RNGTT: variants seen among roughly 807,000 people sequenced by gnomAD.
RNGTT encodes RNA guanylyltransferase and 5'-phosphatase.
A neutral mutation model predicts 79.3 loss-of-function variants in RNGTT; 33 were observed. The ratio of observed to expected loss-of-function variants is 0.42; its 90% CI spans 0.32 to 0.56. The LOEUF (loss-of-function observed/expected upper bound fraction) is 0.56, where lower values mean the gene tolerates loss of function less well. Ranked by LOEUF, RNGTT falls within the 20% of genes least tolerant of loss-of-function variation. The pLI is 0.17. For synonymous variants in RNGTT, 222 were observed against 235.9 expected, an observed-to-expected ratio of 0.94 and a Z score of 0.54; for missense variants, 497 against 739.1, an observed-to-expected ratio of 0.67 and a Z score of 3.80.
intron 11 of RNGTT, among the ~76,000 whole-genome samples, chr6:88,811,944 C>T (rs956835113): frequency 2.6e-5 from 4 of 152,124 alleles, no homozygotes; most frequent in East Asian, 1.9e-4. Context: ...GAAATTTGCA[C>T]TCCCCTGGAT....
intron 13 of RNGTT, among the ~76,000 whole-genome samples, chr6:88,741,103 T>C (rs976637012): frequency 5.9e-5 from 9 of 152,094 alleles, no homozygotes; most frequent in African/African-American, 2.2e-4. Flanking sequence ...TGGGTATATA[T>C]CTAAAGAAAA....
At chr6:88,930,975 C>T (rs1047850572) in intron 2 of RNGTT, among the ~76,000 whole-genome samples, 8 of 152,052 alleles carry the variant, frequency 5.3e-5, no homozygotes, top group African/African-American at 1.4e-4. Flanking sequence ...AACTGAAATG[C>T]TTGGGACTTG....
At chr6:88,761,254 C>T (rs901513836) in intron 13 of RNGTT, among the ~76,000 whole-genome samples, 6 of 151,918 alleles carry the variant, frequency 3.9e-5, no homozygotes, top group African/African-American at 7.3e-5. Context: ...CTTTGGGAGG[C>T]CGAGGCACGT....
At position 88,827,320 on chromosome 6, in the gene RNGTT, C is replaced by G. The variant is rs149818681; in HGVS notation, c.1269+17037G>C. On this transcript the variant is annotated intron_variant, in intron 11 of 15. Transcript: ENST00000369485. ...ACTCTCTCCCCTAGCCAAGGGAAGC[C>G]ATGACGGACTGTGCCATGAGGGACA... Among the ~76,000 whole-genome samples, 379 of 152,204 alleles carry G rather than the reference C, an allele frequency of 2.5e-3. 2 individuals carry two copies. Among genetic ancestry groups the G allele is most frequent in the African/African-American group, 8.7e-3 (361 of 41,530 alleles).
chr6:88,682,618 G>A (rs191185949), intron 13 of RNGTT, among the ~76,000 whole-genome samples: 30 of 151,934 alleles, frequency 2.0e-4, no homozygotes, highest in Admixed American at 3.3e-4. Flanking sequence ...AAGTTCCGGG[G>A]TACGTGTGCA....
chr6:88,708,562 G>A (rs891706746), intron 13 of RNGTT, among the ~76,000 whole-genome samples: 2 of 151,904 alleles, frequency 1.3e-5, no homozygotes, highest in Non-Finnish European at 2.9e-5. Flanking sequence ...TGGTCTTTAG[G>A]GCTGGTGCCA....
intron 12 of RNGTT, among the ~76,000 whole-genome samples, chr6:88,792,681 AT>A (rs1391904425): frequency 4.6e-5 from 7 of 152,324 alleles, no homozygotes; most frequent in African/African-American, 1.7e-4. Context: ...GCTTTGGCAA[AT>A]CAAAAGTCTG....
chr6:88,704,276 A>AC (rs1562206088), intron 13 of RNGTT, among the ~76,000 whole-genome samples: 6 of 147,672 alleles, frequency 4.1e-5, no homozygotes, highest in African/African-American at 1.3e-4. Context: ...AAAAAAAAAA[A>AC]AAAAAAAAAA....
intron 14 of RNGTT, among the ~76,000 whole-genome samples, chr6:88,650,629 A>G (rs1773762658): frequency 6.6e-6 from 1 of 152,214 alleles, no homozygotes; most frequent in African/African-American, 2.4e-5. Flanking sequence ...ATGAGATATT[A>G]TCTTTATCTT....
chr6:88,787,292 TCCTGAGAAATGTTGGTTAA>T (rs1387861004), intron 12 of RNGTT, among the ~76,000 whole-genome samples: 1 of 152,154 alleles, frequency 6.6e-6, no homozygotes, highest in Non-Finnish European at 1.5e-5. Flanking sequence ...AATGTTGGTT[TCCTGAGAAATGTTGGTTAA>T]CCTGAGAACA....
At chr6:88,941,217 G>T in intron 1 of RNGTT, 37 bp from the exon 2 acceptor site, 1 of 1,294,688 alleles carries the variant, frequency 7.7e-7, no homozygotes, top group Non-Finnish European at 1.1e-6. Context: ...TCCATAAAAG[G>T]AAATGTTTCA....
intron 13 of RNGTT, among the ~76,000 whole-genome samples, chr6:88,767,634 C>T (rs1562242066): frequency 7.5e-6 from 1 of 133,260 alleles, no homozygotes; most frequent in Non-Finnish European, 1.6e-5. Flanking sequence ...AATTTTACTT[C>T]ATCTTTGAAG....
chr6:88,859,857 C>T (rs934416038), intron 8 of RNGTT, among the ~76,000 whole-genome samples: 17 of 152,132 alleles, frequency 1.1e-4, no homozygotes, highest in African/African-American at 3.6e-4. Flanking sequence ...AAACTTAACA[C>T]GAAGTAAGCT....
chr6:88,697,982 G>GAT lies in RNGTT; in HGVS notation c.1440-19565_1440-19564dup, dbSNP rs1184406617. ...ATATATATATGAAATACATATATATGATATATATATGAAATACATATATGA... is the reference window on the plus strand; with the variant it reads ...ATATATATATGAAATACATATATATGATATATATATATGAAATACATATATGA... On this transcript the variant is annotated intron_variant, in intron 13 of 15. Coordinates refer to ENST00000369485, the MANE Select transcript of RNGTT (RefSeq NM_003800.5). 1.3e-3 allele frequency among the ~76,000 whole-genome samples: 106 copies of GAT among 79,438 alleles called. 14 individuals carry two copies. The highest frequency in any genetic ancestry group is 4.0e-3 in the African/African-American group (39 of 9,830). The allele number at this position is 79,438 out of a possible 152,430, so 52.1% of individuals were successfully genotyped here. A position where few individuals can be genotyped will look rare whatever the true frequency, so the allele number is the denominator to read the frequency against.
At chr6:88,868,420 C>T (rs982079019) in intron 8 of RNGTT, among the ~76,000 whole-genome samples, 5 of 152,136 alleles carry the variant, frequency 3.3e-5, no homozygotes, top group African/African-American at 1.2e-4. Flanking sequence ...TTCTCATAAG[C>T]ACCTAACTGC....
intron 13 of RNGTT, among the ~76,000 whole-genome samples, chr6:88,709,210 C>A (rs1776240094): frequency 6.6e-6 from 1 of 151,848 alleles, no homozygotes; most frequent in African/African-American, 2.4e-5. Context: ...GAGGCTGAGG[C>A]AGGAGAACCA....
intron 13 of RNGTT, among the ~76,000 whole-genome samples, chr6:88,686,525 C>T (rs1775284217): frequency 6.6e-6 from 1 of 151,996 alleles, no homozygotes; most frequent in South Asian, 2.1e-4. Flanking sequence ...ATCAAGACTT[C>T]TTCTCATGAA....
chr6:88,957,268 G>T (rs1380365149), intron 1 of RNGTT, among the ~76,000 whole-genome samples: 6 of 152,106 alleles, frequency 3.9e-5, no homozygotes, highest in Non-Finnish European at 8.8e-5. Flanking sequence ...ACACTATACT[G>T]AATGGGGAAA....
At chr6:88,639,168 TTC>T (rs1295696367) in intron 14 of RNGTT, among the ~76,000 whole-genome samples, 2 of 151,978 alleles carry the variant, frequency 1.3e-5, no homozygotes, top group Admixed American at 6.6e-5. Flanking sequence ...TAACGTCTAT[TTC>T]TTCATCTACA....
Sources: gnomAD v4.1 joint callset for allele counts (sites outside exome capture counted in the v4.1 genomes callset) on GRCh38, gnomAD v4.1.1 for gene constraint, MANE v1.5 for transcripts, NCBI Gene and HGNC (gene_info 2026-07-23, HGNC 2026-07-21) for gene names.